Variants in CDKAL1 observed in about 807,000 individuals in gnomAD.
CDKAL1 encodes CDKAL1 threonylcarbamoyladenosine tRNA methylthiotransferase, also known as threonylcarbamoyladenosine tRNA methylthiotransferase.
In CDKAL1, 32 loss-of-function variants were observed where a neutral mutation model predicts 68.2. That is an observed-to-expected ratio of 0.47 (90% CI 0.35 to 0.63). The LOEUF (loss-of-function observed/expected upper bound fraction) is 0.63, where lower values mean the gene tolerates loss of function less well. CDKAL1 is among the 30% of genes least tolerant of loss of function. The pLI is 0.00. For synonymous variants in CDKAL1, 234 were observed against 244.3 expected (o/e 0.96, Z 0.39); for missense variants, 606 against 696.7 (o/e 0.87, Z 1.47).
At chr6:21,167,023 C>T (rs909414599) in intron 13 of CDKAL1, among the ~76,000 whole-genome samples, 3 of 152,080 alleles carry the variant, frequency 2.0e-5, no homozygotes, top group Non-Finnish European at 2.9e-5. Context: ...TATCTGTGTC[C>T]TAGAGATAAT....
At chr6:21,031,188 C>T (rs1769265150) in intron 11 of CDKAL1, among the ~76,000 whole-genome samples, 1 of 151,876 alleles carries the variant, frequency 6.6e-6, no homozygotes. Context: ...GATTGAAGTT[C>T]CTATATTCCT....
At chr6:21,097,307 T>TA (rs1291465940) in intron 12 of CDKAL1, among the ~76,000 whole-genome samples, 1 of 152,064 alleles carries the variant, frequency 6.6e-6, no homozygotes, top group Non-Finnish European at 1.5e-5. Context: ...CCGTCTCTAC[T>TA]AAAAATACAA....
chr6:20,546,511 C>T lies in CDKAL1; in HGVS notation c.161C>T (p.Pro54Leu), dbSNP rs146527771. The change falls in exon 3 of 16, where the codon CCA becomes CTA. Residue 54 changes from proline (P) to leucine (L), a missense_variant. Coordinates refer to ENST00000274695, the MANE Select transcript of CDKAL1 (RefSeq NM_017774.3). ...QKYLQEEENS[P>L]PSDSTIPGIQ... ...TATTTGCAAGAGGAAGAAAACAGTCCACCAAGTGACAGGTAAGCTTTTTTC... is the reference window on the plus strand; with the variant it reads ...TATTTGCAAGAGGAAGAAAACAGTCTACCAAGTGACAGGTAAGCTTTTTTC... 1.2e-6 allele frequency: 2 copies of T among 1,611,680 alleles called. No individual in the cohort carries two copies. Among genetic ancestry groups the T allele is most frequent in the African/African-American group, 2.7e-5 (2 of 74,782 alleles).
intron 13 of CDKAL1, among the ~76,000 whole-genome samples, chr6:21,170,680 A>G (rs1472899218): frequency 6.6e-6 from 1 of 152,182 alleles, no homozygotes; most frequent in Non-Finnish European, 1.5e-5. Flanking sequence ...GCATTAAAAA[A>G]AAGTCATGAC....
chr6:20,623,079 T>C (rs569035454), intron 4 of CDKAL1, among the ~76,000 whole-genome samples: 10 of 152,204 alleles, frequency 6.6e-5, no homozygotes, highest in African/African-American at 2.2e-4. Flanking sequence ...ACATTAAAAG[T>C]CTTCTGTTAG....
At chr6:21,143,509 A>C (rs779273028) in intron 13 of CDKAL1, among the ~76,000 whole-genome samples, 25 of 152,142 alleles carry the variant, frequency 1.6e-4, no homozygotes, top group Non-Finnish European at 3.4e-4. Context: ...TTGTTTTCAA[A>C]CAAAATTGAC....
chr6:20,586,238 T>A (rs1003672304), intron 4 of CDKAL1, among the ~76,000 whole-genome samples: 17 of 152,218 alleles, frequency 1.1e-4, no homozygotes, highest in Non-Finnish European at 1.8e-4. Context: ...CCCTCAACCA[T>A]CTGTTTTCCA....
chr6:20,752,566 A>G (rs1300613967), intron 6 of CDKAL1, among the ~76,000 whole-genome samples: 1 of 152,132 alleles, frequency 6.6e-6, no homozygotes, highest in East Asian at 1.9e-4. Flanking sequence ...AAATGTTGCA[A>G]AAATAAAGAG....
intron 13 of CDKAL1, among the ~76,000 whole-genome samples, chr6:21,160,500 G>C (rs1759016436): frequency 6.6e-6 from 1 of 150,528 alleles, no homozygotes; most frequent in Non-Finnish European, 1.5e-5. Flanking sequence ...GTTTCACCGT[G>C]TTGGTCAGGC....
At chr6:20,933,556 C>T (rs1462669717) in intron 9 of CDKAL1, among the ~76,000 whole-genome samples, 1 of 152,218 alleles carries the variant, frequency 6.6e-6, no homozygotes, top group Non-Finnish European at 1.5e-5. Flanking sequence ...GCAGTTGCCT[C>T]AGGCAGAAAT....
intron 15 of CDKAL1, among the ~76,000 whole-genome samples, chr6:21,206,265 A>G (rs1336533680): frequency 6.6e-6 from 1 of 152,202 alleles, no homozygotes; most frequent in African/African-American, 2.4e-5. Context: ...CAAAAAAATA[A>G]TAAGTAAGAG....
intron 15 of CDKAL1, among the ~76,000 whole-genome samples, chr6:21,212,828 A>G (rs1416963751): frequency 6.6e-6 from 1 of 152,162 alleles, no homozygotes; most frequent in Non-Finnish European, 1.5e-5. Flanking sequence ...TCTCTCCTGA[A>G]TGCAATTCTA....
chr6:21,069,284 G>C (rs1416318337), intron 12 of CDKAL1, among the ~76,000 whole-genome samples: 1 of 152,110 alleles, frequency 6.6e-6, no homozygotes. Context: ...GTAAAAGTTA[G>C]CTGTAGCTTT....
intron 8 of CDKAL1, among the ~76,000 whole-genome samples, chr6:20,805,553 C>T (rs1030986786): frequency 4.6e-5 from 7 of 152,126 alleles, no homozygotes; most frequent in Non-Finnish European, 5.9e-5. Flanking sequence ...GATGGCAAAG[C>T]GTTGTGTTTA....
At chr6:20,600,282 T>C (rs1766025828) in intron 4 of CDKAL1, among the ~76,000 whole-genome samples, 1 of 152,102 alleles carries the variant, frequency 6.6e-6, no homozygotes, top group African/African-American at 2.4e-5. Flanking sequence ...TTTATTGGGG[T>C]AGTGAGCTGA....
intron 7 of CDKAL1, among the ~76,000 whole-genome samples, chr6:20,770,078 T>G (rs946149613): frequency 6.6e-6 from 1 of 152,134 alleles, no homozygotes; most frequent in Admixed American, 6.5e-5. Context: ...CTCTTTAATC[T>G]TTTTAAACTT....
chr6:21,180,465 A>G (rs1256363659), intron 13 of CDKAL1, among the ~76,000 whole-genome samples: 2 of 151,868 alleles, frequency 1.3e-5, no homozygotes, highest in Admixed American at 1.3e-4. Flanking sequence ...TACAGCTGCT[A>G]GTGTTTTTAG....
intron 9 of CDKAL1, among the ~76,000 whole-genome samples, chr6:20,907,980 A>G (rs1762306371): frequency 6.6e-6 from 1 of 152,140 alleles, no homozygotes. Flanking sequence ...CTCTGTCACC[A>G]CTTCTCCCCA....
intron 6 of CDKAL1, among the ~76,000 whole-genome samples, chr6:20,753,163 C>A (rs915014277): frequency 5.9e-5 from 9 of 151,784 alleles, no homozygotes; most frequent in Non-Finnish European, 1.2e-4. Context: ...TTCTTAGCAA[C>A]TGCCTTTCAT....
Sources: allele counts gnomAD v4.1 joint callset (sites outside exome capture counted in the v4.1 genomes callset), GRCh38; gene constraint gnomAD v4.1.1; transcripts MANE v1.5; gene names NCBI Gene and HGNC (gene_info 2026-07-23, HGNC 2026-07-21).